The following RANBP2 variants were observed in gnomAD, a reference collection of about 807,000 sequenced individuals.
RANBP2 encodes the protein E3 SUMO-protein ligase RanBP2.
In RANBP2, 57 loss-of-function variants were observed where a neutral mutation model predicts 303.6. The ratio of observed to expected loss-of-function variants is 0.19; its 90% confidence interval spans 0.15 to 0.23. The LOEUF (loss-of-function observed/expected upper bound fraction) is 0.23. Ranked by LOEUF, RANBP2 falls within the 10% of genes least tolerant of loss-of-function variation. RANBP2 has a pLI of 1.00. For synonymous variants in RANBP2, 1,167 were observed against 1,301.5 expected, an observed-to-expected ratio of 0.90 and a Z score of 2.23; for missense variants, 3,138 against 3,780.8, an observed-to-expected ratio of 0.83 and a Z score of 4.46.
the RANBP2 span, among the ~76,000 whole-genome samples, chr2:109,170,290 T>TC: frequency 8.6e-6 from 1 of 116,580 alleles, no homozygotes; most frequent in South Asian, 2.9e-4. Flanking sequence ...TTCTCTTCTC[T>TC]TCTCTTCTCT....
the RANBP2 span, among the ~76,000 whole-genome samples, chr2:109,392,845 A>C: frequency 2.6e-5 from 4 of 152,260 alleles, no homozygotes; most frequent in South Asian, 8.3e-4. Flanking sequence ...AGTCACTGGC[A>C]AAGAGTCCCT....
the RANBP2 span, among the ~76,000 whole-genome samples, chr2:109,075,025 CAAAAAAAAAAA>C: frequency 2.2e-5 from 1 of 44,674 alleles, no homozygotes; most frequent in East Asian, 5.7e-4. Context: ...GTCTCCATCT[CAAAAAAAAAAA>C]AAAAAAAAAA....
At chr2:109,496,772 C>T in the RANBP2 span, among the ~76,000 whole-genome samples, 1 of 114,314 alleles carries the variant, frequency 8.7e-6, no homozygotes, top group Non-Finnish European at 1.8e-5. Context: ...TGTTACCATA[C>T]ATGGCAAAGA....
the RANBP2 span, chr2:109,545,966 GAAGT>G: frequency 6.7e-7 from 1 of 1,489,416 alleles, no homozygotes; most frequent in Non-Finnish European, 9.0e-7. Context: ...TAAGGAAGCA[GAAGT>G]AAGAAGCGCT....
At chr2:109,000,797 A>G in the RANBP2 span, among the ~76,000 whole-genome samples, 1 of 152,170 alleles carries the variant, frequency 6.6e-6, no homozygotes, top group African/African-American at 2.4e-5. Flanking sequence ...CCTATGAGAT[A>G]GTCTTATCCA....
chr2:109,394,846 C>G, the RANBP2 span, among the ~76,000 whole-genome samples: 2 of 152,178 alleles, frequency 1.3e-5, no homozygotes, highest in African/African-American at 2.4e-5. Flanking sequence ...GGCCTGTGCG[C>G]GAGACGAGTC....
chr2:109,714,971 GT>G, the RANBP2 span, among the ~76,000 whole-genome samples: 1 of 126,442 alleles, frequency 7.9e-6, no homozygotes, highest in African/African-American at 3.0e-5. Flanking sequence ...TTTTGGGGGG[GT>G]GGGGGTGGGG....
At chr2:109,320,322 G>C in the RANBP2 span, among the ~76,000 whole-genome samples, 6 of 152,312 alleles carry the variant, frequency 3.9e-5, no homozygotes, top group South Asian at 1.2e-3. Context: ...ACCTGGACTA[G>C]AGAGGGAGGT....
the RANBP2 span, among the ~76,000 whole-genome samples, chr2:109,498,454 CA>C: frequency 2.6e-5 from 4 of 152,222 alleles, no homozygotes; most frequent in Non-Finnish European, 5.9e-5. Context: ...CCTGTCTGCA[CA>C]TTTTTCCTGA....
chr2:109,054,522 TG>T, the RANBP2 span, among the ~76,000 whole-genome samples: 2 of 151,958 alleles, frequency 1.3e-5, no homozygotes, highest in Admixed American at 1.3e-4. Context: ...CTAGCCAACA[TG>T]GTGAAATCCC....
At chr2:109,462,355 A>G in the RANBP2 span, among the ~76,000 whole-genome samples, 1 of 152,116 alleles carries the variant, frequency 6.6e-6, no homozygotes, top group Admixed American at 6.6e-5. Flanking sequence ...TAATCACTGC[A>G]TATCAGATAC....
At chr2:109,529,873 A>G in the RANBP2 span, among the ~76,000 whole-genome samples, 1 of 152,114 alleles carries the variant, frequency 6.6e-6, no homozygotes, top group Non-Finnish European at 1.5e-5. Flanking sequence ...AGGCATGGAA[A>G]CTTGTCTGAA....
the RANBP2 span, among the ~76,000 whole-genome samples, chr2:109,091,441 T>C: frequency 1.5e-4 from 23 of 152,268 alleles, no homozygotes; most frequent in South Asian, 4.3e-3. Context: ...TTTCCTATCA[T>C]GTTAAAAACA....
At chr2:108,859,658 G>C in the RANBP2 span, among the ~76,000 whole-genome samples, 1 of 152,022 alleles carries the variant, frequency 6.6e-6, no homozygotes, top group East Asian at 1.9e-4. Flanking sequence ...CCATTGGTCT[G>C]TGTGTCTTTT....
chr2:109,299,758 T>C, the RANBP2 span, among the ~76,000 whole-genome samples: 1 of 152,182 alleles, frequency 6.6e-6, no homozygotes, highest in Non-Finnish European at 1.5e-5. Flanking sequence ...CACTCTCTGC[T>C]CAGTTGGCAG....
At chr2:109,322,625 A>T in the RANBP2 span, among the ~76,000 whole-genome samples, 1 of 152,242 alleles carries the variant, frequency 6.6e-6, no homozygotes, top group Non-Finnish European at 1.5e-5. Context: ...CGCCAGTCAA[A>T]TGTCAAAGGC....
At chr2:108,761,478 G>A (rs930982317) in intron 18 of RANBP2, among the ~76,000 whole-genome samples, 15 of 152,140 alleles carry the variant, frequency 9.9e-5, no homozygotes, top group Non-Finnish European at 1.8e-4. Flanking sequence ...ATTAACATGG[G>A]TGCCTTCTAG....
chr2:109,241,257 T>TAAC, the RANBP2 span, among the ~76,000 whole-genome samples: 3 of 151,174 alleles, frequency 2.0e-5, no homozygotes, highest in African/African-American at 7.3e-5. Context: ...CCTAAGAATA[T>TAAC]AACAACAACA....
the RANBP2 span, among the ~76,000 whole-genome samples, chr2:109,148,681 G>GA: frequency 1.3e-5 from 2 of 152,244 alleles, no homozygotes; most frequent in Non-Finnish European, 2.9e-5. Context: ...TTCTAATGCT[G>GA]AAAAGTGCAT....
Sources: gnomAD v4.1 joint callset for allele counts (sites outside exome capture counted in the v4.1 genomes callset) on GRCh38, gnomAD v4.1.1 for gene constraint, MANE v1.5 for transcripts, NCBI Gene and HGNC (gene_info 2026-07-23, HGNC 2026-07-21) for gene names.